MOB1B: variants seen among roughly 807,000 people sequenced by gnomAD.
MOB1B encodes the protein MOB1 Mps One Binder homolog B.
MOB1B carries 19 observed loss-of-function variants against 24.4 expected under a neutral mutation model. That is an observed-to-expected ratio of 0.78 (90% CI 0.54 to 1.14). MOB1B has a LOEUF of 1.14. Ranked by LOEUF, MOB1B falls within the 50% of genes most tolerant of loss-of-function variation. The probability of loss-of-function intolerance (pLI) is 0.00; values close to 1 mark genes in which losing one functional copy is unlikely to be tolerated. For missense variants in MOB1B, 243 were observed against 259.6 expected (o/e 0.94, Z 0.44); for synonymous variants, 76 against 82.1 (o/e 0.93, Z 0.40).
chr4:70,969,989 A>G lies in MOB1B; in HGVS notation c.240A>G (p.Thr80=). The change falls in exon 3 of 6, where the codon ACA becomes ACG. Residue 80 remains threonine (T), a synonymous_variant. Transcript: ENST00000309395. ...ATGGAACTATCACAGACTTCTGTAC[A>G]GAAGAGAGTTGTCCAGTGATGTCAG... ...MLYGTITDFC[T]EESCPVMSAG... is the part of the protein sequence containing the mutation. 2 of 1,604,986 alleles carry G rather than the reference A, an allele frequency of 1.2e-6. No homozygotes were observed. The highest frequency in any genetic ancestry group is 2.3e-5 in the South Asian group (2 of 88,528).
chr4:70,971,617 CG>C (rs1553939122), intron 3 of MOB1B, among the ~76,000 whole-genome samples: 1 of 151,788 alleles, frequency 6.6e-6, no homozygotes, highest in Non-Finnish European at 1.5e-5. Context: ...ATTAGAGGAA[CG>C]GGGGCATTTA....
intron 3 of MOB1B, among the ~76,000 whole-genome samples, chr4:70,972,182 G>T (rs557884283): frequency 2.6e-5 from 4 of 152,006 alleles, no homozygotes; most frequent in Admixed American, 2.0e-4. Flanking sequence ...ATGATGGCTC[G>T]TAGAACTTTG....
chr4:70,947,709 C>T (rs951353854), intron 1 of MOB1B, among the ~76,000 whole-genome samples: 1 of 151,740 alleles, frequency 6.6e-6, no homozygotes, highest in Non-Finnish European at 1.5e-5. Flanking sequence ...TCACTGCAGC[C>T]TCAACACCCC....
At chr4:70,920,727 A>G (rs182344101) in intron 1 of MOB1B, among the ~76,000 whole-genome samples, 2 of 152,328 alleles carry the variant, frequency 1.3e-5, no homozygotes, top group East Asian at 1.9e-4. Context: ...GCAGACAAAC[A>G]CATTGCCATG....
At chr4:70,912,037 C>T (rs746366351) in intron 1 of MOB1B, among the ~76,000 whole-genome samples, 7 of 151,586 alleles carry the variant, frequency 4.6e-5, no homozygotes, top group Non-Finnish European at 1.0e-4. Context: ...GCTGGGACTA[C>T]AGTCGCCTAC....
chr4:70,944,875 C>T (rs1213699135), intron 1 of MOB1B, among the ~76,000 whole-genome samples: 1 of 152,084 alleles, frequency 6.6e-6, no homozygotes, highest in Non-Finnish European at 1.5e-5. Context: ...CATGAAGGAC[C>T]CACCCCCATG....
intron 2 of MOB1B, among the ~76,000 whole-genome samples, chr4:70,965,922 A>G (rs1355231436): frequency 6.6e-6 from 1 of 151,998 alleles, no homozygotes; most frequent in African/African-American, 2.4e-5. Context: ...CAACTTATCA[A>G]AGTTAACACT....
At chr4:70,921,023 A>G (rs1679447202) in intron 1 of MOB1B, among the ~76,000 whole-genome samples, 1 of 152,232 alleles carries the variant, frequency 6.6e-6, no homozygotes, top group Non-Finnish European at 1.5e-5. Context: ...GCCTTCCACT[A>G]GGAACTAAAA....
chr4:70,922,994 C>G (rs1039208001), intron 1 of MOB1B, among the ~76,000 whole-genome samples: 1 of 152,134 alleles, frequency 6.6e-6, no homozygotes, highest in Non-Finnish European at 1.5e-5. Context: ...GTAAAGCAGT[C>G]TCCATGGCAG....
rs549037385 is a variant in MOB1B, at chr4:70,941,588, G to A, written c.15-17286G>A. 4.6e-5 allele frequency among the ~76,000 whole-genome samples: 7 copies of A among 152,176 alleles called. No individual in the cohort carries two copies. In the South Asian group the frequency reaches 6.2e-4, roughly 14 times the overall value. On this transcript the variant is annotated intron_variant, in intron 1 of 5. Coordinates refer to ENST00000309395, the MANE Select transcript of MOB1B (RefSeq NM_173468.4). The stretch of plus-strand genomic sequence containing the variant: ...GATCTCCTGACCTTGTGATCCGCCC[G>A]TCTCGGCCTCCCAAAGTGCTGGGAT...
intron 1 of MOB1B, among the ~76,000 whole-genome samples, chr4:70,915,876 A>G (rs1408913241): frequency 1.3e-5 from 2 of 151,858 alleles, no homozygotes; most frequent in Non-Finnish European, 2.9e-5. Context: ...TTCACCTGGA[A>G]CTGGCTGGAA....
chr4:70,911,836 T>A (rs544684412), intron 1 of MOB1B, among the ~76,000 whole-genome samples: 6 of 152,124 alleles, frequency 3.9e-5, no homozygotes, highest in Non-Finnish European at 2.9e-5. Flanking sequence ...GTAGAGAACT[T>A]TAACTCTCCT....
At chr4:70,910,800 G>GT (rs1213087574) in intron 1 of MOB1B, among the ~76,000 whole-genome samples, 1 of 147,310 alleles carries the variant, frequency 6.8e-6, no homozygotes, top group Non-Finnish European at 1.5e-5. Context: ...TTTTTTTTTT[G>GT]TTTTTTGAGA....
At chr4:70,975,392 C>A in intron 4 of MOB1B, 106 bp downstream of exon 4, 1 of 1,517,970 alleles carries the variant, frequency 6.6e-7, no homozygotes, top group South Asian at 1.3e-5. Flanking sequence ...TTCTTTATGG[C>A]TGTGTTGATA....
At chr4:70,945,561 T>C (rs1240353100) in intron 1 of MOB1B, among the ~76,000 whole-genome samples, 1 of 152,246 alleles carries the variant, frequency 6.6e-6, no homozygotes, top group Non-Finnish European at 1.5e-5. Flanking sequence ...GATATAAATT[T>C]TGACAAATGT....
intron 2 of MOB1B, among the ~76,000 whole-genome samples, chr4:70,959,469 CT>C (rs1413715156): frequency 1.3e-5 from 2 of 152,180 alleles, no homozygotes; most frequent in East Asian, 3.8e-4. Flanking sequence ...CTATCTCAGC[CT>C]TTCACGGTGC....
chr4:70,972,888 C>G (rs1034834801), intron 3 of MOB1B, among the ~76,000 whole-genome samples: 1 of 152,162 alleles, frequency 6.6e-6, no homozygotes, highest in African/African-American at 2.4e-5. Context: ...ATTCTCCTGC[C>G]TCAGCCCCCC....
In MOB1B at chr4:70,950,589, A is replaced by G. The variant is rs950958021; in HGVS notation, c.15-8285A>G. ...AAAATAAAGAAAAATAATAGCTTGT[A>G]TATCAGAGTTACTAGGATTAAATGA... On this transcript the variant is annotated intron_variant, in intron 1 of 5. Transcript: ENST00000309395. The G allele has an allele frequency of 2.1e-5, 10 of 483,508 alleles. No individual in the cohort carries two copies. The East Asian group carries it at 3.1e-4, about 15-fold the overall frequency. The allele number at this position is 483,508 out of a possible 1,614,324, so 30.0% of individuals were successfully genotyped here.
intron 1 of MOB1B, among the ~76,000 whole-genome samples, chr4:70,944,735 G>A (rs531421611): frequency 1.8e-4 from 28 of 152,258 alleles, no homozygotes; most frequent in Non-Finnish European, 3.5e-4. Flanking sequence ...AAAAGTAGGA[G>A]CAAGACAGTA....
Sources: allele counts gnomAD v4.1 joint callset (sites outside exome capture counted in the v4.1 genomes callset), GRCh38; gene constraint gnomAD v4.1.1; transcripts MANE v1.5; gene names NCBI Gene and HGNC (gene_info 2026-07-23, HGNC 2026-07-21).